The following RBBP6 variants were observed in gnomAD, a reference collection of about 807,000 sequenced individuals.
RBBP6 encodes the protein RB binding protein 6, ubiquitin ligase, also known as E3 ubiquitin-protein ligase RBBP6.
A neutral mutation model predicts 167.7 loss-of-function variants in RBBP6; 25 were observed. That is an observed-to-expected ratio of 0.15 (90% CI 0.11 to 0.21). The LOEUF (loss-of-function observed/expected upper bound fraction) is 0.21, where lower values mean the gene tolerates loss of function less well. Ranked by LOEUF, RBBP6 falls within the 10% of genes least tolerant of loss-of-function variation. RBBP6 has a pLI of 1.00. For missense variants in RBBP6, 1,868 were observed against 2,134.2 expected (o/e 0.88, Z 2.46); for synonymous variants, 789 against 735.8 (o/e 1.07, Z -1.17).
chr16:24,563,144 CTTAA>C, intron 10 of RBBP6, 51 bp from the exon 11 acceptor site: 6 of 1,429,742 alleles, frequency 4.2e-6, no homozygotes, highest in South Asian at 1.3e-5. Flanking sequence ...CTTTTTTACT[CTTAA>C]TTGTCCATTT....
intron 1 of RBBP6, among the ~76,000 whole-genome samples, chr16:24,543,733 A>G (rs1898562620): frequency 2.0e-5 from 3 of 152,166 alleles, no homozygotes; most frequent in African/African-American, 7.2e-5. Flanking sequence ...TATATGAGAA[A>G]CTTTTCTGCA....
rs1483273008 is a variant in RBBP6 at position 24,570,325 on chromosome 16, A to G, written c.3635A>G (p.Asn1212Ser). Residue 1212 changes from asparagine to serine, a missense_variant, in exon 17 of 18, where the codon AAC (asparagine) becomes AGC (serine). Asn to Ser is a conservative substitution (Grantham distance 46). Coordinates refer to ENST00000319715, the MANE Select transcript of RBBP6 (RefSeq NM_006910.5). ...LSAPAKKIKL[N>S]RETGKKIGST... is the part of the protein sequence containing the mutation. ...GCGCCAGCCAAAAAAATCAAACTCA[A>G]CAGAGAAACTGGGAAGAAAATTGGA... 1.2e-6 allele frequency: 2 copies of G among 1,611,924 alleles called. No homozygotes were observed. Among genetic ancestry groups the G allele is most frequent in the Non-Finnish European group, 1.7e-6 (2 of 1,179,634 alleles).
intron 14 of RBBP6, 120 bp downstream of exon 14, chr16:24,564,985 A>G: frequency 1.4e-6 from 2 of 1,429,028 alleles, no homozygotes; most frequent in Non-Finnish European, 1.8e-6. Context: ...TATTGTGCTT[A>G]TCCCTCTTAA....
chr16:24,563,887 A>C (rs76254460), intron 13 of RBBP6, among the ~76,000 whole-genome samples: 3 of 151,986 alleles, frequency 2.0e-5, no homozygotes, highest in African/African-American at 4.8e-5. Context: ...CTAAAATACA[A>C]AATTTTAAAA....
Position 24,540,807 on chromosome 16 carries a change from GTCT to G in RBBP6, c.166+17_166+19del. 1 of 1,602,882 alleles carries G rather than the reference GTCT, an allele frequency of 6.2e-7. No homozygotes were observed. ...GACGAAAGAAGGTAAGGGCCGCTTG[GTCT>G]TAAGATATTTGGTGGCTGGAGAGAG... On this transcript the variant is annotated intron_variant, in intron 1 of 17. Coordinates refer to ENST00000319715, the MANE Select transcript of RBBP6 (RefSeq NM_006910.5).
At chr16:24,561,511 AGTAAT>A in intron 8 of RBBP6, 96 bp from the exon 9 acceptor site, 3 of 964,174 alleles carry the variant, frequency 3.1e-6, no homozygotes, top group Non-Finnish European at 1.6e-6. Flanking sequence ...CTTGGAAAAC[AGTAAT>A]GTAACTGAAC....
At chr16:24,549,947 C>T (rs1400950061) in intron 3 of RBBP6, among the ~76,000 whole-genome samples, 1 of 151,934 alleles carries the variant, frequency 6.6e-6, no homozygotes, top group Non-Finnish European at 1.5e-5. Context: ...ACTTTGAGCT[C>T]TTAAGTAAAA....
In RBBP6 at chr16:24,567,292, C is replaced by T. The variant is rs1415266401; in HGVS notation, c.1739C>T (p.Pro580Leu). Residue 580 changes from proline to leucine, a missense_variant, in exon 15 of 18, where the codon CCT becomes CTT. Physicochemically the swap from Pro to Leu is moderately conservative, Grantham distance 98. Coordinates refer to ENST00000319715, the MANE Select transcript of RBBP6 (RefSeq NM_006910.5). ...CTTCCTCTCCCTCCGGGTGTTCCTC[C>T]TCCACAGTTTTCTCCTCAGTTTCCT... ...HTLPLPPGVP[P>L]PQFSPQFPPG... 6.2e-7 allele frequency: 1 copy of T among 1,613,976 alleles called. No individual in the cohort carries two copies. Among genetic ancestry groups the T allele is most frequent in the African/African-American group, 1.3e-5 (1 of 74,886 alleles).
chr16:24,559,921 G>A lies in RBBP6; in HGVS notation c.847+244G>A, dbSNP rs188111532. The A allele has an allele frequency of 1.6e-3, 402 of 258,856 alleles. 3 individuals carry two copies. Among genetic ancestry groups the A allele is most frequent in the African/African-American group, 7.1e-3 (321 of 45,160 alleles). 16.0% of individuals were successfully genotyped at this position (258,856 alleles called of 1,614,324 possible). A position where few individuals can be genotyped will look rare whatever the true frequency, so the allele number is the denominator to read the frequency against. On this transcript the variant is annotated intron_variant, in intron 8 of 17. Transcript: ENST00000319715. ...CCTTCATCAGGGTGACTATACTGAGGTGTTTTTCTTAATATAGACTTTTTG... is the reference window on the plus strand; with the variant it reads ...CCTTCATCAGGGTGACTATACTGAGATGTTTTTCTTAATATAGACTTTTTG...
chr16:24,568,604 C>A, intron 16 of RBBP6, 141 bp from the exon 17 acceptor site: 1 of 1,230,624 alleles, frequency 8.1e-7, no homozygotes. Flanking sequence ...GTAGAGGTCA[C>A]TGTGCCTCTT....
At chr16:24,565,358 G>A (rs1408500024) in intron 14 of RBBP6, among the ~76,000 whole-genome samples, 1 of 152,204 alleles carries the variant, frequency 6.6e-6, no homozygotes, top group Non-Finnish European at 1.5e-5. Flanking sequence ...GCGGGTACAA[G>A]CAATATTAAT....
chr16:24,564,699 G>C lies in RBBP6; in HGVS notation c.1521-98G>C. 6.4e-6 allele frequency: 9 copies of C among 1,395,922 alleles called. 1 individual carries two copies. The Middle Eastern group carries it at 5.6e-4, about 87-fold the overall frequency. 86.5% of individuals were successfully genotyped at this position (1,395,922 alleles called of 1,614,324 possible). A position where few individuals can be genotyped will look rare whatever the true frequency, so the allele number is the denominator to read the frequency against. ...ACTGGGGAGTAGGAAAAAGTTTTCA[G>C]AGTAGTTAAAATTGGTGTCTTAACA... On this transcript the variant is annotated intron_variant, in intron 13 of 17. Coordinates refer to ENST00000319715, the MANE Select transcript of RBBP6 (RefSeq NM_006910.5).
chr16:24,554,766 T>G (rs1272294875), intron 4 of RBBP6: 1 of 76,648 alleles, frequency 1.3e-5, no homozygotes, highest in Non-Finnish European at 2.8e-5. Flanking sequence ...GGGGGATTGG[T>G]TTTTTTTTTT....
At position 24,561,871 on chromosome 16, in the gene RBBP6, A is replaced by G. The variant is rs140430791; in HGVS notation, c.999A>G (p.Arg333=). ...KNETGYTKRL[R]KQLPPPPPPI... ...AAACTGGCTATACAAAAAGACTACG[A>G]AAACAGTTACCTCCTCCACCACCCC... Residue 333 remains arginine (R), a synonymous_variant, in exon 10 of 18, where the codon CGA becomes CGG. Transcript: ENST00000319715. The G allele has an allele frequency of 1.2e-4, 187 of 1,613,554 alleles. 1 individual carries two copies. Among genetic ancestry groups the G allele is most frequent in the African/African-American group, 3.6e-4 (27 of 74,860 alleles).
At chr16:24,566,457 C>A (rs1308097702) in intron 14 of RBBP6, among the ~76,000 whole-genome samples, 1 of 152,202 alleles carries the variant, frequency 6.6e-6, no homozygotes, top group Non-Finnish European at 1.5e-5. Flanking sequence ...GGTTTTCCTT[C>A]ATTTAAACTT....
rs1019701300 is a variant in RBBP6 at position 24,539,710 on chromosome 16, T to G, written c.-917T>G. On this transcript the variant is annotated 5_prime_UTR_variant, in exon 1 of 18. Coordinates refer to ENST00000319715, the MANE Select transcript of RBBP6 (RefSeq NM_006910.5). The stretch of plus-strand genomic sequence containing the variant: ...GAAGCCCTAGCCGCTGCCCAGCAGC[T>G]TGCGGGCGTGTTCTCGCGGTTCCGG... 21 of 152,290 alleles carry G rather than the reference T, an allele frequency of 1.4e-4. No homozygotes were observed. Among genetic ancestry groups the G allele is most frequent in the African/African-American group, 5.1e-4 (21 of 41,570 alleles). 9.4% of individuals were successfully genotyped at this position (152,290 alleles called of 1,614,324 possible). A position where few individuals can be genotyped will look rare whatever the true frequency, so the allele number is the denominator to read the frequency against.
chr16:24,543,059 A>G (rs1431353316), intron 1 of RBBP6, among the ~76,000 whole-genome samples: 2 of 152,154 alleles, frequency 1.3e-5, no homozygotes, highest in African/African-American at 2.4e-5. Flanking sequence ...CTACTTAACT[A>G]GTTTTATGGG....
At position 24,540,201 on chromosome 16, in the gene RBBP6, G is replaced by C. The variant is rs370618365; in HGVS notation, c.-426G>C. On this transcript the variant is annotated 5_prime_UTR_variant, in exon 1 of 18. Transcript: ENST00000319715. ...TGGGTCACCCCAATCCACGGAGAGA[G>C]AGACCCGCCGGGAGGTGCGGCCGCG... 1.0e-3 allele frequency: 165 copies of C among 157,580 alleles called. 2 individuals carry two copies. The East Asian group carries it at 0.021, about 21-fold the overall frequency. 9.8% of individuals were successfully genotyped at this position (157,580 alleles called of 1,614,324 possible). A position where few individuals can be genotyped will look rare whatever the true frequency, so the allele number is the denominator to read the frequency against.
chr16:24,566,038 CT>C (rs1269424506), intron 14 of RBBP6, among the ~76,000 whole-genome samples: 1 of 152,178 alleles, frequency 6.6e-6, no homozygotes, highest in Non-Finnish European at 1.5e-5. Flanking sequence ...GCACTTTAGC[CT>C]AGGGGACAGA....
Sources: gnomAD v4.1 joint callset for allele counts (sites outside exome capture counted in the v4.1 genomes callset) on GRCh38, gnomAD v4.1.1 for gene constraint, MANE v1.5 for transcripts, NCBI Gene and HGNC (gene_info 2026-07-23, HGNC 2026-07-21) for gene names.